TRMT13: variants seen among roughly 807,000 people sequenced by gnomAD.
The protein encoded by TRMT13 is tRNA:m(4)X modification enzyme TRM13 homolog.
Under a neutral mutation model 55.9 loss-of-function variants are expected in TRMT13, and 45 were observed. The ratio of observed to expected loss-of-function variants is 0.80; its 90% confidence interval spans 0.63 to 1.03. TRMT13 has a LOEUF of 1.03. Ranked by LOEUF, TRMT13 falls within the 50% of genes least tolerant of loss-of-function variation. The pLI, the probability that TRMT13 is intolerant of heterozygous loss-of-function variation, is 0.00. For synonymous variants in TRMT13, 183 were observed against 196.3 expected (o/e 0.93, Z 0.57); for missense variants, 513 against 563.9 (o/e 0.91, Z 0.91).
chr1:100,148,643 A>G lies in TRMT13; in HGVS notation c.1269A>G (p.Glu423=). 6.2e-7 allele frequency: 1 copy of G among 1,608,362 alleles called. No homozygotes were observed. The highest frequency in any genetic ancestry group is 8.5e-7 in the Non-Finnish European group (1 of 1,178,688). The change falls in exon 11 of 11, where the codon GAA becomes GAG. Residue 423 remains glutamate, a synonymous_variant. Coordinates refer to ENST00000370141, the MANE Select transcript of TRMT13 (RefSeq NM_019083.3). ...DCLPGLLSVE[E]KKKIGHLCKL... is the part of the protein sequence containing the mutation. The stretch of plus-strand genomic sequence containing the variant: ...AATTTAGGCTTCTTAGTGTTGAAGA[A>G]AAGAAGAAAATAGGGCATCTTTGTA...
chr1:100,141,177 A>T (rs895043125), intron 7 of TRMT13, among the ~76,000 whole-genome samples, 158 bp downstream of exon 7: 5 of 152,220 alleles, frequency 3.3e-5, no homozygotes, highest in Non-Finnish European at 2.9e-5. Flanking sequence ...TGATAACTCA[A>T]ACTGAAGGTG....
chr1:100,136,034 G>C (rs932083099), intron 1 of TRMT13, among the ~76,000 whole-genome samples: 21 of 152,168 alleles, frequency 1.4e-4, no homozygotes, highest in African/African-American at 4.1e-4. Context: ...ATATAGGCTA[G>C]ATGTACAGTA....
chr1:100,143,172 T>A lies in TRMT13; in HGVS notation c.705T>A (p.Phe235Leu). 6.2e-7 allele frequency: 1 copy of A among 1,610,902 alleles called. No homozygotes were observed. Among genetic ancestry groups the A allele is most frequent in the Non-Finnish European group, 8.5e-7 (1 of 1,178,226 alleles). Residue 235 changes from phenylalanine (F) to leucine (L), a missense_variant, in exon 8 of 11, where the codon TTT (phenylalanine) becomes TTA (leucine). Transcript: ENST00000370141. Reference protein sequence around the residue: ...DGKHRKKNSVFERLQIDIQHL... With the variant: ...DGKHRKKNSVLERLQIDIQHL... ...AACACAGAAAGAAAAATTCAGTGTTTGAAAGACTTCAAATTGATATTCAAC... is the reference window on the plus strand; with the variant it reads ...AACACAGAAAGAAAAATTCAGTGTTAGAAAGACTTCAAATTGATATTCAAC...
At chr1:100,141,729 T>C (rs964773624) in intron 7 of TRMT13, among the ~76,000 whole-genome samples, 3 of 152,208 alleles carry the variant, frequency 2.0e-5, no homozygotes, top group African/African-American at 7.2e-5. Context: ...GAGTACAGCA[T>C]GGTTTCAAAG....
In TRMT13 at chr1:100,150,184, G is replaced by C. The variant is rs1343102232; in HGVS notation, c.*1364G>C. On this transcript the variant is annotated 3_prime_UTR_variant, in exon 11 of 11. Coordinates refer to ENST00000370141, the MANE Select transcript of TRMT13 (RefSeq NM_019083.3). The stretch of plus-strand genomic sequence containing the variant: ...AATGCATAGAACAGTTCCAAGCACA[G>C]AGTAATTCAATAAATATTAACTAGT... 6.6e-6 allele frequency: 1 copy of C among 152,168 alleles called. No homozygotes were observed. The highest frequency in any genetic ancestry group is 2.4e-5 in the African/African-American group (1 of 41,442). The allele number at this position is 152,168 out of a possible 1,614,324, so 9.4% of individuals were successfully genotyped here.
In TRMT13 at chr1:100,149,990, C is replaced by T. The variant is rs1442084274; in HGVS notation, c.*1170C>T. The T allele has an allele frequency of 3.3e-5, 5 of 152,342 alleles. No homozygotes were observed. The highest frequency in any genetic ancestry group is 1.2e-4 in the African/African-American group (5 of 41,440). The allele number at this position is 152,342 out of a possible 1,614,324, so 9.4% of individuals were successfully genotyped here. ...CTTTAGTCTCATATATCTTGTCAGA[C>T]TGTCTCGGTTCAAATTCCAAACCTA... is the stretch of plus-strand genomic sequence containing the variant. On this transcript the variant is annotated 3_prime_UTR_variant, in exon 11 of 11. Coordinates refer to ENST00000370141, the MANE Select transcript of TRMT13 (RefSeq NM_019083.3).
rs1386469167 is a variant in TRMT13, at chr1:100,149,411, C to G, written c.*591C>G. ...ACATGTATATATTGTCAGAATCTGT[C>G]CATGACAAACACAAAACTGAAGAGC... is the stretch of plus-strand genomic sequence containing the variant. On this transcript the variant is annotated 3_prime_UTR_variant, in exon 11 of 11. Transcript: ENST00000370141. 6.5e-7 allele frequency: 1 copy of G among 1,543,816 alleles called. No homozygotes were observed. Among genetic ancestry groups the G allele is most frequent in the Non-Finnish European group, 8.7e-7 (1 of 1,144,666 alleles).
At chr1:100,144,002 T>C in intron 8 of TRMT13, 67 bp from the exon 9 acceptor site, 1 of 1,364,778 alleles carries the variant, frequency 7.3e-7, no homozygotes. Context: ...ATTAGTTCTT[T>C]CTTTTGGAAG....
At position 100,149,365 on chromosome 1, in the gene TRMT13, C is replaced by T. The variant is rs776532037; in HGVS notation, c.*545C>T. The T allele has an allele frequency of 2.2e-5, 34 of 1,543,470 alleles. No individual in the cohort carries two copies. In the Admixed American group the frequency reaches 4.2e-4, roughly 19 times the overall value. Reference sequence around the variant, plus strand: ...TAAACACAATTAATTAATGAAGTCACCTTCAAATTTCCAGAGCCATACATG... The same window carrying T: ...TAAACACAATTAATTAATGAAGTCATCTTCAAATTTCCAGAGCCATACATG... On this transcript the variant is annotated 3_prime_UTR_variant, in exon 11 of 11. Coordinates refer to ENST00000370141, the MANE Select transcript of TRMT13 (RefSeq NM_019083.3).
chr1:100,142,328 A>G (rs1656736692), intron 7 of TRMT13, among the ~76,000 whole-genome samples: 1 of 152,220 alleles, frequency 6.6e-6, no homozygotes, highest in African/African-American at 2.4e-5. Flanking sequence ...AAACTATATT[A>G]GAAGAGTCTG....
In TRMT13 at chr1:100,144,025, T is replaced by C. The variant is rs529153995; in HGVS notation, c.743-44T>C. On this transcript the variant is annotated intron_variant, in intron 8 of 10. Transcript: ENST00000370141. ...TTTCTTTTGGAAGGCCACATTAATA[T>C]GTACTTTATTTCACTAGACAGTTAA... is the stretch of plus-strand genomic sequence containing the variant. 18 of 1,504,212 alleles carry C rather than the reference T, an allele frequency of 1.2e-5. No homozygotes were observed. The South Asian group carries it at 1.7e-4, about 14-fold the overall frequency. The allele number at this position is 1,504,212 out of a possible 1,614,324, so 93.2% of individuals were successfully genotyped here.
intron 1 of TRMT13, among the ~76,000 whole-genome samples, chr1:100,134,633 C>G (rs966320181): frequency 5.3e-5 from 8 of 152,154 alleles, no homozygotes; most frequent in African/African-American, 1.9e-4. Context: ...TGCCCATAGT[C>G]TATTGACTGG....
intron 4 of TRMT13, 101 bp from the exon 5 acceptor site, chr1:100,140,081 T>G (rs1307712210): frequency 1.4e-6 from 1 of 715,376 alleles, no homozygotes; most frequent in Non-Finnish European, 2.4e-6. Flanking sequence ...GAGCCTAAGC[T>G]GTCATGGGAT....
At position 100,133,435 on chromosome 1, in the gene TRMT13, T is replaced by G; in HGVS notation, c.147+120T>G. 2.4e-6 allele frequency: 3 copies of G among 1,250,862 alleles called. No homozygotes were observed. In the South Asian group the frequency reaches 4.7e-5, roughly 20 times the overall value. The allele number at this position is 1,250,862 out of a possible 1,614,324, so 77.5% of individuals were successfully genotyped here. On this transcript the variant is annotated intron_variant, in intron 1 of 10. Coordinates refer to ENST00000370141, the MANE Select transcript of TRMT13 (RefSeq NM_019083.3). ...GCTTGTGTCCCCTGGATTCTCCAGC[T>G]TTCACTTTAATAAACCCAGTTTTGC... is the stretch of plus-strand genomic sequence containing the variant.
intron 1 of TRMT13, among the ~76,000 whole-genome samples, chr1:100,135,210 T>A (rs1655654527): frequency 6.6e-6 from 1 of 152,180 alleles, no homozygotes; most frequent in African/African-American, 2.4e-5. Flanking sequence ...GATTGAGAAT[T>A]CCTGTTTCTA....
Position 100,148,842 on chromosome 1 carries a change from ATCTG to A in TRMT13, c.*26_*29del. The A allele has an allele frequency of 7.1e-7, 1 of 1,411,348 alleles. No homozygotes were observed. The highest frequency in any genetic ancestry group is 1.5e-5 in the African/African-American group (1 of 67,074). 87.4% of individuals were successfully genotyped at this position (1,411,348 alleles called of 1,614,324 possible). ...TTAATGGAAAAGAAATTTGAGCATC[ATCTG>A]TCTTCCACCAAAAAAAATTTTTTAA... On this transcript the variant is annotated 3_prime_UTR_variant, in exon 11 of 11. Transcript: ENST00000370141.
Position 100,149,200 on chromosome 1 carries a change from T to G in TRMT13, c.*380T>G. On this transcript the variant is annotated 3_prime_UTR_variant, in exon 11 of 11. Transcript: ENST00000370141. ...ATTTTATTTAATATTTTTTATTTCT[T>G]AAGTTCAAGAGGTAGTGATTGATTG... 1 of 1,493,864 alleles carries G rather than the reference T, an allele frequency of 6.7e-7. No individual in the cohort carries two copies. Among genetic ancestry groups the G allele is most frequent in the Non-Finnish European group, 8.9e-7 (1 of 1,126,842 alleles). 92.5% of individuals were successfully genotyped at this position (1,493,864 alleles called of 1,614,324 possible). A position where few individuals can be genotyped will look rare whatever the true frequency, so the allele number is the denominator to read the frequency against.
At chr1:100,146,528 C>T (rs1020444834) in intron 9 of TRMT13, among the ~76,000 whole-genome samples, 7 of 151,510 alleles carry the variant, frequency 4.6e-5, no homozygotes, top group African/African-American at 1.2e-4. Flanking sequence ...TTCTTCGAGA[C>T]GGAGTCTCGC....
In TRMT13 at chr1:100,149,670, GA is replaced by G. The variant is rs1657761276; in HGVS notation, c.*853del. 3.0e-6 allele frequency: 1 copy of G among 337,130 alleles called. No individual in the cohort carries two copies. Among genetic ancestry groups the G allele is most frequent in the African/African-American group, 2.2e-5 (1 of 45,636 alleles). The allele number at this position is 337,130 out of a possible 1,614,324, so 20.9% of individuals were successfully genotyped here. On this transcript the variant is annotated 3_prime_UTR_variant, in exon 11 of 11. Coordinates refer to ENST00000370141, the MANE Select transcript of TRMT13 (RefSeq NM_019083.3). ...TGGAATAAAATAGAAATTAGATAAT[GA>G]AACCAAAAACCTTCTCAAATTTAGG...
Sources: allele counts gnomAD v4.1 joint callset (sites outside exome capture counted in the v4.1 genomes callset), GRCh38; gene constraint gnomAD v4.1.1; transcripts MANE v1.5; gene names NCBI Gene and HGNC (gene_info 2026-07-23, HGNC 2026-07-21).